HEATR5B: variants seen among roughly 807,000 people sequenced by gnomAD.
HEATR5B encodes HEAT repeat containing 5B.
In HEATR5B, 156 loss-of-function variants were observed where a neutral mutation model predicts 224.1. The observed-to-expected ratio is 0.70, with a 90% CI of 0.61 to 0.80. The LOEUF is 0.80. Among genes scored for constraint, HEATR5B ranks in the 30% least tolerant of loss-of-function variants. The pLI is 0.00. For synonymous variants in HEATR5B, 1,027 were observed against 893.0 expected (o/e 1.15, Z -2.68); for missense variants, 2,323 against 2,535.5 (o/e 0.92, Z 1.80).
At chr2:37,018,926 C>T (rs1668291957) in intron 26 of HEATR5B, among the ~76,000 whole-genome samples, 2 of 152,004 alleles carry the variant, frequency 1.3e-5, no homozygotes, top group African/African-American at 2.4e-5. Context: ...CTTTGGGAGG[C>T]CAAGGCAGGT....
intron 18 of HEATR5B, among the ~76,000 whole-genome samples, chr2:37,042,046 G>C (rs915948438): frequency 2.6e-5 from 4 of 151,576 alleles, no homozygotes; most frequent in African/African-American, 7.3e-5. Flanking sequence ...TTTTTTCTTT[G>C]TGAAATATAT....
At chr2:37,063,143 C>T (rs1671385267) in intron 10 of HEATR5B, among the ~76,000 whole-genome samples, 1 of 152,082 alleles carries the variant, frequency 6.6e-6, no homozygotes, top group Non-Finnish European at 1.5e-5. Context: ...TTCAACAAAT[C>T]TTTGAATGTG....
chr2:37,064,757 G>T lies in HEATR5B; in HGVS notation c.1567C>A (p.Pro523Thr). 3 of 1,613,934 alleles carry T rather than the reference G, an allele frequency of 1.9e-6. No homozygotes were observed. The highest frequency in any genetic ancestry group is 2.5e-6 in the Non-Finnish European group (3 of 1,179,958). Residue 523 changes from proline to threonine, a missense_variant, in exon 10 of 36, where the codon CCT becomes ACT. Pro to Thr is a conservative substitution (Grantham distance 38). Coordinates refer to ENST00000233099, the MANE Select transcript of HEATR5B (RefSeq NM_019024.3). ...GGVHQCPLGI[P>T]HAKGKMVVSI... ...CGTCATACCTTTCCTTTGGCATGAG[G>T]AATGCCCAAAGGACACTGATGTACT...
chr2:37,051,851 T>G (rs1362216675), intron 17 of HEATR5B, among the ~76,000 whole-genome samples: 1 of 152,130 alleles, frequency 6.6e-6, no homozygotes, highest in South Asian at 2.1e-4. Context: ...GTGATTCTCC[T>G]GCCTCAGCCT....
chr2:37,024,336 A>G (rs1668640568), intron 24 of HEATR5B, among the ~76,000 whole-genome samples: 1 of 152,212 alleles, frequency 6.6e-6, no homozygotes, highest in African/African-American at 2.4e-5. Context: ...CACGGTGACT[A>G]TACTTAATGA....
At chr2:37,033,336 C>G (rs896523051) in intron 21 of HEATR5B, among the ~76,000 whole-genome samples, 1 of 152,128 alleles carries the variant, frequency 6.6e-6, no homozygotes, top group Non-Finnish European at 1.5e-5. Flanking sequence ...GTCCCAAGAT[C>G]TGTGCTCTAA....
chr2:37,059,367 T>G (rs1306598488), intron 12 of HEATR5B, among the ~76,000 whole-genome samples: 1 of 148,024 alleles, frequency 6.8e-6, no homozygotes, highest in Non-Finnish European at 1.5e-5. Flanking sequence ...TTTACATATA[T>G]TAAATATATT....
chr2:36,981,709 G>A lies in HEATR5B; in HGVS notation c.5997C>T (p.Ser1999=), dbSNP rs144262247. The A allele has an allele frequency of 1.6e-4, 258 of 1,613,988 alleles. 2 individuals carry two copies. The South Asian group carries it at 2.1e-3, about 13-fold the overall frequency. ...ENSFASASSA[S]KDLHEFALQN... ...GGAGTGCAAACTCATGAAGATCTTTGGAAGCTGAACTTGCTGAGGCAAAAG... is the reference window on the plus strand; with the variant it reads ...GGAGTGCAAACTCATGAAGATCTTTAGAAGCTGAACTTGCTGAGGCAAAAG... The change falls in exon 36 of 36, where the codon TCC becomes TCT. Residue 1999 remains serine (S), a synonymous_variant. Transcript: ENST00000233099.
chr2:37,048,387 G>A (rs906571558), intron 18 of HEATR5B, among the ~76,000 whole-genome samples: 1 of 152,026 alleles, frequency 6.6e-6, no homozygotes, highest in Non-Finnish European at 1.5e-5. Flanking sequence ...GTTTCACCAT[G>A]TTGCCCAGGC....
intron 17 of HEATR5B, 26 bp downstream of exon 17, chr2:37,053,476 G>T: frequency 7.7e-7 from 1 of 1,305,274 alleles, no homozygotes; most frequent in South Asian, 1.3e-5. Context: ...ACTTATTTCA[G>T]AATAGTATGT....
chr2:37,020,812 G>C lies in HEATR5B; in HGVS notation c.3878C>G (p.Ser1293Cys). The C allele has an allele frequency of 1.3e-5, 20 of 1,566,326 alleles. No homozygotes were observed. Among genetic ancestry groups the C allele is most frequent in the Non-Finnish European group, 1.7e-5 (20 of 1,164,598 alleles). ...PTNDLLVLHLSDLIRMAFMAA... is the reference protein window; with the variant it reads ...PTNDLLVLHLCDLIRMAFMAA... ...CATGAATGCCATGCGAATGAGGTCA[G>C]AGAGATGAAGTACCAAGAGGTCATC... The change falls in exon 25 of 36, where the codon TCT (serine) becomes TGT (cysteine). Residue 1293 changes from serine to cysteine, a missense_variant. Physicochemically the swap from Ser to Cys is moderately radical, Grantham distance 112. This residue lies in a region of HEATR5B where 339 missense variants were observed against 378.4 expected (regional missense o/e 0.90). Coordinates refer to ENST00000233099, the MANE Select transcript of HEATR5B (RefSeq NM_019024.3).
intron 24 of HEATR5B, 86 bp from the exon 25 acceptor site, chr2:37,020,922 G>C: frequency 2.6e-6 from 2 of 769,390 alleles, no homozygotes; most frequent in Non-Finnish European, 4.0e-6. Context: ...ATAAATTTTT[G>C]ATAAAAAACA....
chr2:36,998,134 G>A (rs896703660), intron 33 of HEATR5B, among the ~76,000 whole-genome samples: 3 of 152,092 alleles, frequency 2.0e-5, no homozygotes, highest in Non-Finnish European at 2.9e-5. Context: ...TTTAGATAAC[G>A]TGGAAATGTT....
intron 21 of HEATR5B, among the ~76,000 whole-genome samples, chr2:37,034,738 T>C (rs2148480763): frequency 6.6e-6 from 1 of 152,064 alleles, no homozygotes; most frequent in African/African-American, 2.4e-5. Context: ...TTTTATTTTT[T>C]GTAGAGACAA....
chr2:37,020,553 AAC>A, intron 25 of HEATR5B, 100 bp downstream of exon 25: 1 of 746,392 alleles, frequency 1.3e-6, no homozygotes, highest in Non-Finnish European at 2.1e-6. Flanking sequence ...TACAGAAATA[AAC>A]AGATTGCAGT....
intron 20 of HEATR5B, among the ~76,000 whole-genome samples, chr2:37,039,186 G>T (rs968648060): frequency 2.0e-5 from 3 of 151,312 alleles, no homozygotes; most frequent in Non-Finnish European, 1.5e-5. Context: ...AAAAAAAAAG[G>T]CCGGGTGTGG....
At chr2:37,082,193 C>T (rs1250828429) in intron 2 of HEATR5B, among the ~76,000 whole-genome samples, 4 of 150,798 alleles carry the variant, frequency 2.7e-5, no homozygotes, top group Non-Finnish European at 1.5e-5. Context: ...CCTCAGCCTC[C>T]CCAGTAGCTG....
intron 21 of HEATR5B, among the ~76,000 whole-genome samples, chr2:37,033,048 T>C (rs1669236778): frequency 6.6e-6 from 1 of 151,992 alleles, no homozygotes; most frequent in Non-Finnish European, 1.5e-5. Context: ...ACCTGGCTAA[T>C]TTTTGTATTT....
chr2:36,984,215 A>AAAAAAAAAAAAAAAAAAAATATATATAT, intron 35 of HEATR5B, among the ~76,000 whole-genome samples: 7 of 77,636 alleles, frequency 9.0e-5, no homozygotes, highest in Admixed American at 1.4e-4. Flanking sequence ...AAAAAAAAAA[A>AAAAAAAAAAAAAAAAAAAATATATATAT]ATATATATAT....
Sources: gnomAD v4.1 joint callset for allele counts (sites outside exome capture counted in the v4.1 genomes callset) on GRCh38, gnomAD v4.1.1 for gene constraint, gnomAD v4.1.1 regional missense constraint, MANE v1.5 for transcripts, NCBI Gene and HGNC (gene_info 2026-07-23, HGNC 2026-07-21) for gene names.